The following LMO7 variants were observed in gnomAD, a reference collection of about 807,000 sequenced individuals.
LMO7 encodes LIM domain 7.
LMO7 carries 120 observed loss-of-function variants against 206.5 expected under a neutral mutation model. The observed-to-expected ratio is 0.58, with a 90% confidence interval of 0.50 to 0.68. The LOEUF is 0.68. Among genes scored for constraint, LMO7 ranks in the 30% least tolerant of loss-of-function variants. The probability of loss-of-function intolerance (pLI) is 0.00; values close to 1 mark genes in which losing one functional copy is unlikely to be tolerated. For synonymous variants in LMO7, 706 were observed against 681.5 expected, an observed-to-expected ratio of 1.04 and a Z score of -0.56; for missense variants, 1,959 against 1,957.9, an observed-to-expected ratio of 1.00 and a Z score of -0.01.
chr13:75,623,358 A>T, intron 2 of LMO7: 1 of 1,120,942 alleles, frequency 8.9e-7, no homozygotes, highest in Non-Finnish European at 1.4e-6. Flanking sequence ...AGAATCAGAA[A>T]GGCCAAAGCA....
intron 1 of LMO7, among the ~76,000 whole-genome samples, chr13:75,663,431 TC>T (rs1288836024): frequency 0.022 from 1,767 of 79,274 alleles, 13 homozygotes; most frequent in Middle Eastern, 0.094. Context: ...TTTCTTTCTT[TC>T]TTTTTTTTTT....
Position 75,752,032 on chromosome 13 carries a change from G to C in LMO7, c.211-8900G>C, listed in dbSNP as rs138787659. ...GATTTAGACTTTTGCATAATGAAAT[G>C]ATTCAATGTATAAGAGAAATCTGGA... On this transcript the variant is annotated intron_variant, in intron 3 of 30. Transcript: ENST00000377534. Among the ~76,000 whole-genome samples the C allele has an allele frequency of 8.5e-5, 13 of 152,294 alleles. No homozygotes were observed. The East Asian group carries it at 2.5e-3, about 29-fold the overall frequency.
chr13:75,720,902 CATA>C (rs2043967998), intron 2 of LMO7, among the ~76,000 whole-genome samples: 1 of 152,040 alleles, frequency 6.6e-6, no homozygotes, highest in Non-Finnish European at 1.5e-5. Flanking sequence ...TTAAAGTTAT[CATA>C]AATATTTATA....
intron 1 of LMO7, among the ~76,000 whole-genome samples, chr13:75,710,598 TTGTC>T (rs1211936518): frequency 1.3e-5 from 2 of 151,822 alleles, no homozygotes; most frequent in African/African-American, 2.4e-5. Context: ...GGCTCTCTGT[TTGTC>T]TGTTATTGGT....
intron 1 of LMO7, among the ~76,000 whole-genome samples, chr13:75,676,728 C>A (rs1445605614): frequency 6.6e-6 from 1 of 152,174 alleles, no homozygotes; most frequent in Non-Finnish European, 1.5e-5. Flanking sequence ...AAGCTTTTAG[C>A]CACTAAGAGG....
upstream of LMO7, chr13:75,636,160 C>A (rs1381967431): frequency 3.0e-6 from 1 of 333,556 alleles, no homozygotes; most frequent in Non-Finnish European, 4.3e-6. Context: ...ACTGTGGCAT[C>A]TCCCGGGCCA....
intron 1 of LMO7, among the ~76,000 whole-genome samples, chr13:75,683,345 A>G (rs2040712859): frequency 6.6e-6 from 1 of 152,200 alleles, no homozygotes. Flanking sequence ...AAAGTTTTAT[A>G]GATTTGGATA....
intron 8 of LMO7, chr13:75,804,945 G>A: frequency 9.9e-7 from 1 of 1,005,186 alleles, no homozygotes; most frequent in Middle Eastern, 5.1e-4. Context: ...TTCCTCTCAT[G>A]GGGAGGCGTA....
At chr13:75,780,932 TG>T (rs1475953377) in intron 4 of LMO7, among the ~76,000 whole-genome samples, 1 of 152,154 alleles carries the variant, frequency 6.6e-6, no homozygotes, top group Admixed American at 6.5e-5. Flanking sequence ...TGAAATAGGT[TG>T]GATTTGCTTT....
At chr13:75,695,253 G>A (rs2041813957) in intron 1 of LMO7, among the ~76,000 whole-genome samples, 1 of 152,236 alleles carries the variant, frequency 6.6e-6, no homozygotes, top group Non-Finnish European at 1.5e-5. Context: ...TGAGGGTGTT[G>A]AGAGGAATCT....
intron 15 of LMO7, among the ~76,000 whole-genome samples, chr13:75,829,528 A>C (rs1184365946): frequency 6.6e-6 from 1 of 152,134 alleles, no homozygotes; most frequent in Non-Finnish European, 1.5e-5. Context: ...CTAAAGAACT[A>C]TATGTACACA....
intron 11 of LMO7, among the ~76,000 whole-genome samples, chr13:75,814,213 A>G (rs892181287): frequency 3.9e-5 from 6 of 152,248 alleles, no homozygotes; most frequent in African/African-American, 1.2e-4. Context: ...TAATCTTACA[A>G]AAAGAATTAG....
At chr13:75,715,609 CATA>C (rs1363600005) in intron 2 of LMO7, among the ~76,000 whole-genome samples, 27 of 152,336 alleles carry the variant, frequency 1.8e-4, no homozygotes, top group African/African-American at 4.8e-4. Context: ...CAAAGTCCTG[CATA>C]ATATTTTTAT....
At chr13:75,641,358 T>G (rs996969391) in intron 1 of LMO7, among the ~76,000 whole-genome samples, 3 of 152,206 alleles carry the variant, frequency 2.0e-5, no homozygotes, top group Non-Finnish European at 2.9e-5. Context: ...TCAGAGTAAT[T>G]TATTCTTACT....
chr13:75,633,841 C>CTTTTTTTTTT (rs60769000), upstream of LMO7, among the ~76,000 whole-genome samples: 1 of 64,672 alleles, frequency 1.5e-5, no homozygotes, highest in Admixed American at 2.0e-4. Flanking sequence ...GTGTCTTTTC[C>CTTTTTTTTTT]TTTTTTTTTT....
intron 26 of LMO7, among the ~76,000 whole-genome samples, chr13:75,848,742 T>C (rs1228098613): frequency 2.6e-5 from 4 of 152,220 alleles, no homozygotes; most frequent in Non-Finnish European, 5.9e-5. Context: ...CTTTTTCATA[T>C]AATGACATCT....
At chr13:75,805,888 A>T (rs1380404952) in intron 9 of LMO7, 128 bp downstream of exon 9, 1 of 1,153,320 alleles carries the variant, frequency 8.7e-7, no homozygotes, top group East Asian at 2.4e-5. Flanking sequence ...GTATCTGCGG[A>T]ACCTATATAA....
intron 3 of LMO7, among the ~76,000 whole-genome samples, chr13:75,733,394 A>G (rs1482077742): frequency 1.3e-5 from 2 of 152,206 alleles, no homozygotes; most frequent in Admixed American, 6.5e-5. Context: ...TGTGCTAGCA[A>G]TCAGCAAGAC....
At chr13:75,790,741 T>C (rs1595029141) in intron 4 of LMO7, among the ~76,000 whole-genome samples, 2 of 152,280 alleles carry the variant, frequency 1.3e-5, no homozygotes, top group Middle Eastern at 6.8e-3. Context: ...TTGTTCTTAC[T>C]CTCTGGCAGA....
Sources: gnomAD v4.1 joint callset for allele counts (sites outside exome capture counted in the v4.1 genomes callset) on GRCh38, gnomAD v4.1.1 for gene constraint, MANE v1.5 for transcripts, NCBI Gene and HGNC (gene_info 2026-07-23, HGNC 2026-07-21) for gene names.